The following ATAD1 variants were observed in gnomAD, a reference collection of about 807,000 sequenced individuals.
ATAD1 encodes the protein ATPase family AAA domain containing 1.
In ATAD1, 18 loss-of-function variants were observed where a neutral mutation model predicts 42.7. The ratio of observed to expected loss-of-function variants is 0.42; its 90% CI spans 0.29 to 0.63. The LOEUF is 0.63. ATAD1 is among the 20% of genes least tolerant of loss of function. ATAD1 has a pLI of 0.19. For synonymous variants in ATAD1, 132 were observed against 143.1 expected (o/e 0.92, Z 0.55); for missense variants, 294 against 440.4 (o/e 0.67, Z 2.98).
At chr10:87,754,894 ATGTGGT>A in intron 9 of ATAD1, 87 bp from the exon 10 acceptor site, 1 of 1,473,464 alleles carries the variant, frequency 6.8e-7, no homozygotes, top group Admixed American at 2.4e-5. Flanking sequence ...AAAGAGATGC[ATGTGGT>A]AAAAAAAAAA....
chr10:87,817,206 T>C (rs1199884201), intron 1 of ATAD1, among the ~76,000 whole-genome samples: 1 of 152,256 alleles, frequency 6.6e-6, no homozygotes, highest in East Asian at 1.9e-4. Flanking sequence ...ATCATTCATT[T>C]GGTATTGATA....
chr10:87,813,476 C>A (rs1184517783), intron 2 of ATAD1, among the ~76,000 whole-genome samples: 2 of 151,634 alleles, frequency 1.3e-5, no homozygotes, highest in Non-Finnish European at 2.9e-5. Flanking sequence ...GTTCAGAATT[C>A]TCCAAAGTGC....
intron 1 of ATAD1, among the ~76,000 whole-genome samples, chr10:87,827,112 T>C (rs1857744384): frequency 6.6e-6 from 1 of 152,258 alleles, no homozygotes; most frequent in African/African-American, 2.4e-5. Context: ...GTTTGAAGCA[T>C]GCAGGATGCA....
chr10:87,820,653 A>G (rs949122691), upstream of ATAD1, among the ~76,000 whole-genome samples: 1 of 152,216 alleles, frequency 6.6e-6, no homozygotes, highest in Non-Finnish European at 1.5e-5. Context: ...TAAAGAGTCT[A>G]CAAGCTCGAA....
chr10:87,760,354 A>G (rs1048729714), intron 8 of ATAD1, among the ~76,000 whole-genome samples: 26 of 151,988 alleles, frequency 1.7e-4, no homozygotes, highest in African/African-American at 6.0e-4. Flanking sequence ...AATGTGTGGC[A>G]CTTCCCCCTT....
At chr10:87,817,549 T>C (rs904395147) in intron 1 of ATAD1, among the ~76,000 whole-genome samples, 5 of 152,222 alleles carry the variant, frequency 3.3e-5, no homozygotes, top group Non-Finnish European at 5.9e-5. Flanking sequence ...TAGCATAGCA[T>C]TCACTGTAGT....
rs753457932 is a variant in ATAD1 at position 87,814,622 on chromosome 10, AC to A, written c.-13-11del. 3.8e-6 allele frequency: 6 copies of A among 1,578,330 alleles called. No individual in the cohort carries two copies. The highest frequency in any genetic ancestry group is 5.2e-6 in the Non-Finnish European group (6 of 1,164,416). On this transcript the variant is annotated splice_polypyrimidine_tract_variant and intron_variant, in intron 1 of 9. Coordinates refer to ENST00000680024, the MANE Select transcript of ATAD1 (RefSeq NM_001321967.2). ...CATCTTGAATGTTAACCTTAAAAAA[AC>A]AAACAGAAATGTCACTAGGTAATAA...
At chr10:87,837,024 AT>A (rs372490467) in intron 1 of ATAD1, among the ~76,000 whole-genome samples, 1 of 151,964 alleles carries the variant, frequency 6.6e-6, no homozygotes, top group East Asian at 1.9e-4. Flanking sequence ...TTTCAATTTC[AT>A]TTTTTTATTA....
At chr10:87,789,020 A>G (rs139859243) in intron 4 of ATAD1, among the ~76,000 whole-genome samples, 1 of 152,322 alleles carries the variant, frequency 6.6e-6, no homozygotes, top group East Asian at 1.9e-4. Flanking sequence ...TTTTGCTGTT[A>G]ACTGTCATCC....
intron 9 of ATAD1, among the ~76,000 whole-genome samples, chr10:87,755,421 G>C (rs2131746626): frequency 6.6e-6 from 1 of 152,180 alleles, no homozygotes. Context: ...AGTCCATCCA[G>C]ATTTTTCATA....
intron 4 of ATAD1, among the ~76,000 whole-genome samples, chr10:87,787,986 T>C (rs931827213): frequency 6.6e-6 from 1 of 152,148 alleles, no homozygotes; most frequent in Non-Finnish European, 1.5e-5. Context: ...GGAAGCCATA[T>C]GGTATTCAGA....
intron 1 of ATAD1, among the ~76,000 whole-genome samples, chr10:87,836,240 C>A (rs1857927233): frequency 6.6e-6 from 1 of 152,132 alleles, no homozygotes; most frequent in African/African-American, 2.4e-5. Context: ...GATCCTCCCA[C>A]CTCAGCTTCC....
chr10:87,835,295 A>T (rs989552011), intron 1 of ATAD1, among the ~76,000 whole-genome samples: 2 of 152,106 alleles, frequency 1.3e-5, no homozygotes, highest in African/African-American at 2.4e-5. Context: ...TTTTCTGTTT[A>T]CTACTTCCAT....
chr10:87,758,334 T>C (rs763420284), intron 8 of ATAD1, among the ~76,000 whole-genome samples: 9 of 151,754 alleles, frequency 5.9e-5, no homozygotes, highest in Middle Eastern at 3.4e-3. Flanking sequence ...TCCAAACCAA[T>C]AGAGGAAGGG....
intron 1 of ATAD1, among the ~76,000 whole-genome samples, chr10:87,830,391 A>G (rs1857807114): frequency 1.3e-5 from 2 of 152,192 alleles, no homozygotes; most frequent in African/African-American, 4.8e-5. Context: ...TTGCCAATGG[A>G]GGTTTTACCT....
intron 1 of ATAD1, among the ~76,000 whole-genome samples, chr10:87,826,453 GGGAGAGTAAA>G (rs2132102954): frequency 6.6e-6 from 1 of 152,296 alleles, no homozygotes; most frequent in Non-Finnish European, 1.5e-5. Context: ...ATCAGAAAAG[GGGAGAGTAAA>G]GGAGAGTAGA....
chr10:87,784,416 T>C, intron 5 of ATAD1, 54 bp downstream of exon 5: 1 of 1,538,818 alleles, frequency 6.5e-7, no homozygotes, highest in Non-Finnish European at 8.9e-7. Flanking sequence ...TCTGGTTATC[T>C]AAATATCTCT....
chr10:87,809,211 C>G (rs1024116139), intron 2 of ATAD1, among the ~76,000 whole-genome samples: 1 of 151,980 alleles, frequency 6.6e-6, no homozygotes, highest in African/African-American at 2.4e-5. Context: ...GGATACTGAC[C>G]CCAACACACT....
chr10:87,786,963 A>G (rs937606863), intron 4 of ATAD1, among the ~76,000 whole-genome samples: 5 of 152,198 alleles, frequency 3.3e-5, no homozygotes, highest in Admixed American at 2.0e-4. Context: ...TCAAAAAAAA[A>G]AAAAAGTTAC....
Sources: allele counts gnomAD v4.1 joint callset (sites outside exome capture counted in the v4.1 genomes callset), GRCh38; gene constraint gnomAD v4.1.1; transcripts MANE v1.5; gene names NCBI Gene and HGNC (gene_info 2026-07-23, HGNC 2026-07-21).